USP4: variants seen among roughly 807,000 people sequenced by gnomAD.
USP4 encodes ubiquitin carboxyl-terminal hydrolase 4.
USP4 carries 72 observed loss-of-function variants against 118.2 expected under a neutral mutation model. The ratio of observed to expected loss-of-function variants is 0.61; its 90% CI spans 0.50 to 0.74. The LOEUF is 0.74. Ranked by LOEUF, USP4 falls within the 30% of genes least tolerant of loss-of-function variation. The pLI is 0.00. For missense variants in USP4, 1,037 were observed against 1,185.7 expected (o/e 0.87, Z 1.84); for synonymous variants, 415 against 440.4 (o/e 0.94, Z 0.72).
At position 49,278,130 on chromosome 3, in the gene USP4, G is replaced by T; in HGVS notation, c.*163C>A. On this transcript the variant is annotated 3_prime_UTR_variant, in exon 22 of 22. Transcript: ENST00000265560. ...AGCCTCTTGACATAGCTTCTTCTAG[G>T]TAAACGGTCTTCTTTTTTTTTTTTT... 2 of 785,964 alleles carry T rather than the reference G, an allele frequency of 2.5e-6. No individual in the cohort carries two copies. Among genetic ancestry groups the T allele is most frequent in the Middle Eastern group, 4.1e-4 (1 of 2,454 alleles). The allele number at this position is 785,964 out of a possible 1,614,324, so 48.7% of individuals were successfully genotyped here.
At chr3:49,307,927 C>T (rs1455316696) in intron 8 of USP4, among the ~76,000 whole-genome samples, 1 of 151,942 alleles carries the variant, frequency 6.6e-6, no homozygotes, top group Non-Finnish European at 1.5e-5. Context: ...CACTTGAGCC[C>T]AGGAGTTCAA....
chr3:49,286,486 TC>T (rs2047091885), intron 15 of USP4, among the ~76,000 whole-genome samples, 161 bp from the exon 16 acceptor site: 1 of 152,152 alleles, frequency 6.6e-6, no homozygotes, highest in Admixed American at 6.6e-5. Context: ...CATGTGACTC[TC>T]ACCACACCCT....
intron 9 of USP4, among the ~76,000 whole-genome samples, chr3:49,303,780 G>A (rs2047284170): frequency 6.6e-6 from 1 of 151,472 alleles, no homozygotes; most frequent in African/African-American, 2.4e-5. Context: ...CTGGGACAGG[G>A]TCTCACTCTG....
intron 2 of USP4, among the ~76,000 whole-genome samples, chr3:49,334,631 T>C (rs949155123): frequency 1.3e-5 from 2 of 151,956 alleles, no homozygotes; most frequent in African/African-American, 4.8e-5. Context: ...GTAGTCTCAG[T>C]GACTAAGGAG....
At chr3:49,309,912 C>A (rs997062696) in intron 8 of USP4, among the ~76,000 whole-genome samples, 2 of 142,186 alleles carry the variant, frequency 1.4e-5, no homozygotes, top group African/African-American at 5.2e-5. Flanking sequence ...CAGGCGTGAG[C>A]CACAGTGCTG....
chr3:49,321,478 C>CTT (rs779995480), intron 6 of USP4, among the ~76,000 whole-genome samples: 4 of 144,164 alleles, frequency 2.8e-5, no homozygotes, highest in South Asian at 2.2e-4. Context: ...ATTATTGTAC[C>CTT]TTTTTTTTTT....
intron 6 of USP4, among the ~76,000 whole-genome samples, chr3:49,317,708 GTTT>G (rs76005205): frequency 7.4e-6 from 1 of 135,538 alleles, no homozygotes; most frequent in Non-Finnish European, 1.6e-5. Flanking sequence ...TGCCCGTGGT[GTTT>G]TTTTTTTTTT....
At chr3:49,304,825 G>A (rs1046913947) in intron 9 of USP4, among the ~76,000 whole-genome samples, 2 of 151,620 alleles carry the variant, frequency 1.3e-5, no homozygotes, top group Admixed American at 6.6e-5. Context: ...GTGCAGTGGC[G>A]TGATCTCGGC....
chr3:49,284,623 G>A (rs567119939), intron 17 of USP4, 39 bp from the exon 18 acceptor site: 2 of 1,569,816 alleles, frequency 1.3e-6, no homozygotes, highest in South Asian at 2.2e-5. Flanking sequence ...TGGAGAAAGA[G>A]ATCTTACTGC....
chr3:49,311,493 A>G (rs1260894274), intron 7 of USP4, 21 bp downstream of exon 7: 1 of 1,610,840 alleles, frequency 6.2e-7, no homozygotes, highest in Non-Finnish European at 8.5e-7. Flanking sequence ...AAGGAAGCAG[A>G]GTGAAAGGAC....
chr3:49,311,934 T>C (rs2107788545), intron 6 of USP4: 3 of 1,112,406 alleles, frequency 2.7e-6, no homozygotes, highest in Non-Finnish European at 3.3e-6. Context: ...GTAATCCTAG[T>C]ACTTTGGGAG....
intron 6 of USP4, among the ~76,000 whole-genome samples, chr3:49,321,065 G>C (rs2047494590): frequency 6.6e-6 from 1 of 152,140 alleles, no homozygotes; most frequent in Admixed American, 6.6e-5. Flanking sequence ...AGGTCAGCTG[G>C]GTTTAATATT....
At position 49,295,714 on chromosome 3, in the gene USP4, G is replaced by GCGCGCACACACACACACACA. The variant is rs149459963; in HGVS notation, c.1692-1117_1692-1116insTGTGTGTGTGTGTGTGCGCG. On this transcript the variant is annotated intron_variant, in intron 13 of 21. Coordinates refer to ENST00000265560, the MANE Select transcript of USP4 (RefSeq NM_003363.4). ...CATATGCACGTGTGCGCGCGCGCGC[G>GCGCGCACACACACACACACA]CACACACACACACACACACACCCCC... is the stretch of plus-strand genomic sequence containing the variant. Among the ~76,000 whole-genome samples the GCGCGCACACACACACACACA allele has an allele frequency of 3.2e-3, 478 of 148,332 alleles. 2 individuals carry two copies. The highest frequency in any genetic ancestry group is 0.012 in the African/African-American group (450 of 38,398).
rs752047318 is a variant in USP4, at chr3:49,300,686, C to T, written c.1293G>A (p.Val431=). 1.2e-6 allele frequency: 2 copies of T among 1,614,024 alleles called. No homozygotes were observed. Among genetic ancestry groups the T allele is most frequent in the East Asian group, 2.2e-5 (1 of 44,876 alleles). The change falls in exon 11 of 22, where the codon GTG becomes GTA. Residue 431 remains valine, a synonymous_variant. Coordinates refer to ENST00000265560, the MANE Select transcript of USP4 (RefSeq NM_003363.4). ...TGTGATTCTCCCAGGCTTCCTTTGC[C>T]ACCACCTGCGTCAAAGGGATAAACA... ...KDANGRPDAV[V]AKEAWENHRL... is the part of the protein sequence containing the mutation.
intron 1 of USP4, among the ~76,000 whole-genome samples, chr3:49,336,202 G>A (rs892104500): frequency 8.2e-5 from 8 of 97,862 alleles, no homozygotes; most frequent in Non-Finnish European, 1.5e-4. Context: ...CGGAGTTTTC[G>A]CTCTTGTTGC....
At position 49,284,156 on chromosome 3, in the gene USP4, C is replaced by A. The variant is rs768719965; in HGVS notation, c.2391-20G>T. 6.2e-7 allele frequency: 1 copy of A among 1,614,024 alleles called. No individual in the cohort carries two copies. On this transcript the variant is annotated intron_variant, in intron 18 of 21. Coordinates refer to ENST00000265560, the MANE Select transcript of USP4 (RefSeq NM_003363.4). ...CAGTACCTAAAAAGAGAAACCTCCA[C>A]TTAGCAGGGCAAGCCGGCAGCCAGT...
Position 49,311,779 on chromosome 3 carries a change from C to G in USP4, c.696-125G>C, listed in dbSNP as rs935137658. 4.9e-6 allele frequency: 7 copies of G among 1,419,944 alleles called. No homozygotes were observed. In the African/African-American group the frequency reaches 5.8e-5, roughly 12 times the overall value. The allele number at this position is 1,419,944 out of a possible 1,614,324, so 88.0% of individuals were successfully genotyped here. On this transcript the variant is annotated intron_variant, in intron 6 of 21. Transcript: ENST00000265560. ...TTAAGTTAAAATAAATTACAAAAAG[C>G]CTGTATTCATACTACTTCAAGGTAA...
chr3:49,286,816 CTCTATCTATCTA>C (rs57920190), intron 15 of USP4, among the ~76,000 whole-genome samples: 2,632 of 141,336 alleles, frequency 0.019, 34 homozygotes, highest in African/African-American at 0.024. Flanking sequence ...ACTCTAGCCA[CTCTATCTATCTA>C]TCTATCTATC....
rs1212169353 is a variant in USP4, at chr3:49,280,824, A to G, written c.2564T>C (p.Val855Ala). Residue 855 changes from valine (V) to alanine (A), a missense_variant, in exon 20 of 22, where the codon GTC becomes GCC. This residue lies in a region of USP4 where 522 missense variants were observed against 592.6 expected (regional missense o/e 0.88). Transcript: ENST00000265560. ...ATAAGGCCTTGCTGACAGGTTACAGACAAACTCGGACATGTTCAGCCCTCT... is the reference window on the plus strand; with the variant it reads ...ATAAGGCCTTGCTGACAGGTTACAGGCAAACTCGGACATGTTCAGCCCTCT... ...PIRGLNMSEF[V>A]CNLSARPYVY... 1 of 1,614,056 alleles carries G rather than the reference A, an allele frequency of 6.2e-7. No homozygotes were observed. Among genetic ancestry groups the G allele is most frequent in the Non-Finnish European group, 8.5e-7 (1 of 1,180,004 alleles).
Sources: gnomAD v4.1 joint callset for allele counts (sites outside exome capture counted in the v4.1 genomes callset) on GRCh38, gnomAD v4.1.1 for gene constraint, gnomAD v4.1.1 regional missense constraint, MANE v1.5 for transcripts, NCBI Gene and HGNC (gene_info 2026-07-23, HGNC 2026-07-21) for gene names.